RGS7: variants seen among roughly 807,000 people sequenced by gnomAD.
The protein encoded by RGS7 is regulator of G protein signaling 7.
A neutral mutation model predicts 81.1 loss-of-function variants in RGS7; 27 were observed. That is an observed-to-expected ratio of 0.33 (90% CI 0.25 to 0.46). RGS7 has a LOEUF of 0.46. Ranked by LOEUF, RGS7 falls within the 20% of genes least tolerant of loss-of-function variation. The pLI is 1.00. For missense variants in RGS7, 396 were observed against 607.4 expected (o/e 0.65, Z 3.66); for synonymous variants, 208 against 207.7 (o/e 1.00, Z -0.01).
At chr1:241,082,828 C>G (rs2063212060) in intron 3 of RGS7, among the ~76,000 whole-genome samples, 1 of 152,160 alleles carries the variant, frequency 6.6e-6, no homozygotes, top group Non-Finnish European at 1.5e-5. Flanking sequence ...ATCACATGTA[C>G]TGCCAAAATA....
chr1:241,006,787 A>G (rs563670469), intron 3 of RGS7, among the ~76,000 whole-genome samples: 15 of 152,182 alleles, frequency 9.9e-5, no homozygotes, highest in African/African-American at 1.7e-4. Flanking sequence ...CTCTGCCACG[A>G]AAGATAGCAA....
chr1:241,107,394 A>G (rs969797340), intron 2 of RGS7, among the ~76,000 whole-genome samples: 1 of 152,210 alleles, frequency 6.6e-6, no homozygotes, highest in Non-Finnish European at 1.5e-5. Flanking sequence ...CCGATTACAG[A>G]TTACAGTATG....
At chr1:240,884,829 T>C (rs1667066772) in intron 6 of RGS7, among the ~76,000 whole-genome samples, 1 of 152,188 alleles carries the variant, frequency 6.6e-6, no homozygotes, top group African/African-American at 2.4e-5. Flanking sequence ...AATACCATCC[T>C]GGACACAGGA....
At position 240,967,573 on chromosome 1, in the gene RGS7, G is replaced by T. The variant is rs538618039; in HGVS notation, c.226+15506C>A. Among the ~76,000 whole-genome samples the T allele has an allele frequency of 3.0e-5, 4 of 131,224 alleles. 1 individual carries two copies. Among genetic ancestry groups the T allele is most frequent in the African/African-American group, 8.0e-5 (3 of 37,630 alleles). 86.1% of individuals were successfully genotyped at this position (131,224 alleles called of 152,430 possible). Reference sequence around the variant, plus strand: ...AAAGTGATTGTGCCAAGAAGTGGGGGGGGGGGGGAAAAGGCTGTAGCAAGA... The same window carrying T: ...AAAGTGATTGTGCCAAGAAGTGGGGTGGGGGGGGAAAAGGCTGTAGCAAGA... On this transcript the variant is annotated intron_variant, in intron 4 of 18. Transcript: ENST00000440928.
chr1:241,005,987 T>TA (rs1249706285), intron 3 of RGS7, among the ~76,000 whole-genome samples: 1 of 152,214 alleles, frequency 6.6e-6, no homozygotes, highest in Admixed American at 6.5e-5. Flanking sequence ...ATGGCTCTTA[T>TA]AAAAAATGCT....
intron 2 of RGS7, among the ~76,000 whole-genome samples, chr1:241,168,787 A>G (rs1388633638): frequency 6.6e-6 from 1 of 152,000 alleles, no homozygotes; most frequent in Admixed American, 6.6e-5. Flanking sequence ...AGCGAGAGAG[A>G]GAGAACTAGG....
chr1:241,089,021 A>ATC (rs1158514403), intron 3 of RGS7, among the ~76,000 whole-genome samples: 289 of 23,582 alleles, frequency 0.012, 23 homozygotes, highest in East Asian at 0.016. Context: ...GCAAGACTCC[A>ATC]TCTCTCTCTC....
At chr1:241,033,374 G>C (rs764277043) in intron 3 of RGS7, among the ~76,000 whole-genome samples, 1 of 151,906 alleles carries the variant, frequency 6.6e-6, no homozygotes, top group African/African-American at 2.4e-5. Context: ...TGGGGGAGCG[G>C]GGGAGGAAAG....
rs115960395 is a variant in RGS7 at position 240,927,834 on chromosome 1, G to C, written c.385+2883C>G. Reference sequence around the variant, plus strand: ...ATAATTAAAGAATAAATTAGTTACTGTAAGTAGCAAGTATTCCAGGTTTGG... The same window carrying C: ...ATAATTAAAGAATAAATTAGTTACTCTAAGTAGCAAGTATTCCAGGTTTGG... On this transcript the variant is annotated intron_variant, in intron 6 of 18. Transcript: ENST00000440928. Among the ~76,000 whole-genome samples, 927 of 152,286 alleles carry C rather than the reference G, an allele frequency of 6.1e-3. 13 individuals carry two copies. The highest frequency in any genetic ancestry group is 0.021 in the African/African-American group (877 of 41,556).
At chr1:241,228,637 C>T (rs570935815) in intron 2 of RGS7, among the ~76,000 whole-genome samples, 1 of 152,074 alleles carries the variant, frequency 6.6e-6, no homozygotes, top group South Asian at 2.1e-4. Context: ...TGACTTGGAT[C>T]CAGATGCACA....
At chr1:241,063,838 T>C (rs1455648189) in intron 3 of RGS7, among the ~76,000 whole-genome samples, 1 of 152,144 alleles carries the variant, frequency 6.6e-6, no homozygotes, top group African/African-American at 2.4e-5. Context: ...TTTACCTGTA[T>C]TGAAGAATGT....
chr1:240,888,888 G>A (rs528123650), intron 6 of RGS7, among the ~76,000 whole-genome samples: 1 of 152,140 alleles, frequency 6.6e-6, no homozygotes, highest in African/African-American at 2.4e-5. Flanking sequence ...GAAGCAGCGG[G>A]TGCAAAGGGC....
chr1:240,977,314 C>T (rs112063804), intron 4 of RGS7, among the ~76,000 whole-genome samples: 1 of 152,150 alleles, frequency 6.6e-6, no homozygotes, highest in Non-Finnish European at 1.5e-5. Context: ...TTTAATCTTT[C>T]CGCCACAGTC....
intron 6 of RGS7, among the ~76,000 whole-genome samples, chr1:240,881,543 G>T (rs1392454039): frequency 6.6e-6 from 1 of 151,864 alleles, no homozygotes; most frequent in African/African-American, 2.4e-5. Context: ...TCAAATAAAG[G>T]TATTTTAAAT....
chr1:240,901,771 G>T (rs1670053181), intron 6 of RGS7, among the ~76,000 whole-genome samples: 1 of 152,162 alleles, frequency 6.6e-6, no homozygotes, highest in Admixed American at 6.5e-5. Context: ...CACTTTGGGA[G>T]CATTACTCCT....
At position 240,869,603 on chromosome 1, in the gene RGS7, G is replaced by A. The variant is rs1018604562; in HGVS notation, c.450+452C>T. Among the ~76,000 whole-genome samples the A allele has an allele frequency of 3.3e-5, 5 of 152,200 alleles. No individual in the cohort carries two copies. In the East Asian group the frequency reaches 7.7e-4, roughly 23 times the overall value. ...AGGAAGTAAGCAAACAGGGATTCAT[G>A]CACCCACTGTGATGCCAGATCCCTA... On this transcript the variant is annotated intron_variant, in intron 7 of 18. Coordinates refer to ENST00000440928, the MANE Select transcript of RGS7 (RefSeq NM_001364886.1).
At chr1:240,815,387 T>C (rs78198712) in intron 11 of RGS7, among the ~76,000 whole-genome samples, 1 of 152,138 alleles carries the variant, frequency 6.6e-6, no homozygotes, top group East Asian at 1.9e-4. Flanking sequence ...CGTTCATTCA[T>C]GGTGAATACC....
intron 2 of RGS7, among the ~76,000 whole-genome samples, chr1:241,332,457 G>A (rs749192150): frequency 3.9e-5 from 6 of 152,234 alleles, no homozygotes; most frequent in Non-Finnish European, 7.4e-5. Context: ...ATTTATAATC[G>A]TTTGAGGTGT....
At chr1:241,009,354 C>G (rs144385042) in intron 3 of RGS7, among the ~76,000 whole-genome samples, 4 of 152,316 alleles carry the variant, frequency 2.6e-5, no homozygotes, top group African/African-American at 9.6e-5. Context: ...TGACCCCATT[C>G]CTTTGGAATC....
Sources: gnomAD v4.1 joint callset for allele counts (sites outside exome capture counted in the v4.1 genomes callset) on GRCh38, gnomAD v4.1.1 for gene constraint, MANE v1.5 for transcripts, NCBI Gene and HGNC (gene_info 2026-07-23, HGNC 2026-07-21) for gene names.